The following PDE2A variants were observed in gnomAD, a reference collection of about 807,000 sequenced individuals.
PDE2A encodes the protein phosphodiesterase 2A, also known as cGMP-dependent 3',5'-cyclic phosphodiesterase.
A neutral mutation model predicts 133.6 loss-of-function variants in PDE2A; 53 were observed. That is an observed-to-expected ratio of 0.40 (90% CI 0.32 to 0.50). The LOEUF (loss-of-function observed/expected upper bound fraction) is 0.50. PDE2A is among the 20% of genes least tolerant of loss of function. PDE2A has a pLI of 0.73. For synonymous variants in PDE2A, 491 were observed against 490.2 expected (o/e 1.00, Z -0.02); for missense variants, 796 against 1,232.4 (o/e 0.65, Z 5.30).
chr11:72,598,673 G>T lies in PDE2A; in HGVS notation c.324-1054C>A, dbSNP rs577331487. ...GGTCACTAAGGGAAGCCCAGCAAAG[G>T]TCACATGAGGAAAAGGAGGGGGTGG... On this transcript the variant is annotated intron_variant, in intron 4 of 30. Transcript: ENST00000334456. 12 of 1,286,618 alleles carry T rather than the reference G, an allele frequency of 9.3e-6. No homozygotes were observed. The South Asian group carries it at 1.4e-4, about 15-fold the overall frequency. 79.7% of individuals were successfully genotyped at this position (1,286,618 alleles called of 1,614,324 possible).
intron 14 of PDE2A, 38 bp from the exon 15 acceptor site, chr11:72,585,631 G>T (rs1200651156): frequency 2.5e-6 from 4 of 1,601,886 alleles, no homozygotes; most frequent in South Asian, 1.1e-5. Flanking sequence ...GGGGGTCGGG[G>T]TGTAGGGGTC....
At chr11:72,644,920 C>T (rs1193125922) in intron 1 of PDE2A, among the ~76,000 whole-genome samples, 1 of 152,132 alleles carries the variant, frequency 6.6e-6, no homozygotes, top group African/African-American at 2.4e-5. Context: ...CCATGCCCAG[C>T]TAATTTTTAT....
At chr11:72,638,227 G>A (rs1398391844) in intron 2 of PDE2A, among the ~76,000 whole-genome samples, 1 of 152,184 alleles carries the variant, frequency 6.6e-6, no homozygotes, top group Non-Finnish European at 1.5e-5. Flanking sequence ...TTGGTCTCTG[G>A]AGCTACTGGT....
intron 11 of PDE2A, 72 bp downstream of exon 11, chr11:72,589,679 A>AGGCCCAG: frequency 7.8e-7 from 1 of 1,280,234 alleles, no homozygotes. Context: ...TACTCCAGGC[A>AGGCCCAG]GATCCCAGGA....
intron 1 of PDE2A, among the ~76,000 whole-genome samples, chr11:72,643,907 C>T (rs1250553523): frequency 6.6e-6 from 1 of 152,164 alleles, no homozygotes; most frequent in African/African-American, 2.4e-5. Flanking sequence ...GGCTCCCTAC[C>T]ACCAGCACAA....
intron 4 of PDE2A, among the ~76,000 whole-genome samples, chr11:72,600,005 A>T (rs1244403056): frequency 1.3e-5 from 2 of 152,218 alleles, no homozygotes; most frequent in African/African-American, 2.4e-5. Flanking sequence ...GGCAGACAGG[A>T]AAGGATGTCC....
chr11:72,674,360 G>A lies in PDE2A; in HGVS notation c.-153C>T, dbSNP rs1047409645. On this transcript the variant is annotated 5_prime_UTR_variant, in exon 1 of 31. Coordinates refer to ENST00000334456, the MANE Select transcript of PDE2A (RefSeq NM_002599.5). The stretch of plus-strand genomic sequence containing the variant: ...AGCCTGGACTCAACACCCCAATCCA[G>A]CTCTGCTGCCCCGCTGCTCCCGCCT... 7.8e-5 allele frequency: 51 copies of A among 653,970 alleles called. No individual in the cohort carries two copies. The highest frequency in any genetic ancestry group is 1.3e-4 in the Non-Finnish European group (50 of 390,706). 40.5% of individuals were successfully genotyped at this position (653,970 alleles called of 1,614,324 possible). A position where few individuals can be genotyped will look rare whatever the true frequency, so the allele number is the denominator to read the frequency against.
rs551212713 is a variant in PDE2A, at chr11:72,668,223, G to C, written c.71+5914C>G. 2.7e-4 allele frequency: 197 copies of C among 716,786 alleles called. No individual in the cohort carries two copies. The Middle Eastern group carries it at 2.9e-3, about 11-fold the overall frequency. 44.4% of individuals were successfully genotyped at this position (716,786 alleles called of 1,614,324 possible). The stretch of plus-strand genomic sequence containing the variant: ...TCTTGCCTGTCTGCCATCTGGAACA[G>C]TAATGTATGGAAAGAGCAGGAGCTC... On this transcript the variant is annotated intron_variant, in intron 1 of 30. Transcript: ENST00000334456.
At chr11:72,670,409 C>T (rs1163486267) in intron 1 of PDE2A, among the ~76,000 whole-genome samples, 1 of 152,166 alleles carries the variant, frequency 6.6e-6, no homozygotes, top group Non-Finnish European at 1.5e-5. Flanking sequence ...TGACTTCACT[C>T]ACTCACCTAT....
At chr11:72,656,776 C>T (rs1413468726) in intron 1 of PDE2A, among the ~76,000 whole-genome samples, 1 of 152,126 alleles carries the variant, frequency 6.6e-6, no homozygotes, top group Non-Finnish European at 1.5e-5. Flanking sequence ...CAAGCAGAGC[C>T]TGTACTCTCA....
In PDE2A at chr11:72,585,449, A is replaced by G. The variant is rs201936967; in HGVS notation, c.1223-15T>C. ...AGAGACGTCATCTGGGGAAGGGAGA[A>G]GACCAGGCAGGGTGAGACCAGGCTG... On this transcript the variant is annotated splice_polypyrimidine_tract_variant and intron_variant, in intron 15 of 30. Coordinates refer to ENST00000334456, the MANE Select transcript of PDE2A (RefSeq NM_002599.5). The G allele has an allele frequency of 6.1e-5, 99 of 1,613,836 alleles. No homozygotes were observed. The highest frequency in any genetic ancestry group is 6.8e-6 in the Non-Finnish European group (8 of 1,179,840).
At chr11:72,611,710 C>A (rs1185631197) in intron 2 of PDE2A, among the ~76,000 whole-genome samples, 1 of 152,166 alleles carries the variant, frequency 6.6e-6, no homozygotes, top group Admixed American at 6.5e-5. Flanking sequence ...TTCTGTCAAT[C>A]CACCTCCTGG....
Position 72,578,361 on chromosome 11 carries a change from G to C in PDE2A, c.2509-22C>G. Reference sequence around the variant, plus strand: ...TCTCCTGCAGGCATCGAGTCGTCAGGCCTGTCCCTCTCATTCCTCCATCGG... The same window carrying C: ...TCTCCTGCAGGCATCGAGTCGTCAGCCCTGTCCCTCTCATTCCTCCATCGG... On this transcript the variant is annotated intron_variant, in intron 29 of 30. Coordinates refer to ENST00000334456, the MANE Select transcript of PDE2A (RefSeq NM_002599.5). The surrounding 1 kb of genome is among the most constrained non-coding windows in gnomAD (Gnocchi z 4.2). 6.3e-7 allele frequency: 1 copy of C among 1,593,724 alleles called. No individual in the cohort carries two copies. The highest frequency in any genetic ancestry group is 8.6e-7 in the Non-Finnish European group (1 of 1,161,618).
chr11:72,578,174 C>T lies in PDE2A; in HGVS notation c.2615+59G>A, dbSNP rs1458871910. On this transcript the variant is annotated intron_variant, in intron 30 of 30. Transcript: ENST00000334456. This position sits in a 1 kb window ranked among gnomAD's most constrained non-coding sequence, Gnocchi z 4.2. ...TCAGCACCTGTGTTTCCTGTGATGT[C>T]CCCACTCCAGCCTACCCTCTCTGTG... The T allele has an allele frequency of 3.7e-6, 4 of 1,085,018 alleles. No individual in the cohort carries two copies. In the East Asian group the frequency reaches 9.4e-5, roughly 25 times the overall value. 67.2% of individuals were successfully genotyped at this position (1,085,018 alleles called of 1,614,324 possible). A position where few individuals can be genotyped will look rare whatever the true frequency, so the allele number is the denominator to read the frequency against.
rs1855452408 is a variant in PDE2A, at chr11:72,674,275, T to C, written c.-68A>G. The C allele has an allele frequency of 1.3e-6, 2 of 1,507,558 alleles. No homozygotes were observed. Among genetic ancestry groups the C allele is most frequent in the Non-Finnish European group, 9.0e-7 (1 of 1,113,018 alleles). The allele number at this position is 1,507,558 out of a possible 1,614,324, so 93.4% of individuals were successfully genotyped here. On this transcript the variant is annotated 5_prime_UTR_variant, in exon 1 of 31. Transcript: ENST00000334456. Reference sequence around the variant, plus strand: ...CTCGCCCTGTCCCCGCTGCCTGGAGTTCAGGGCAGGGCACCCCCAGCAGGC... The same window carrying C: ...CTCGCCCTGTCCCCGCTGCCTGGAGCTCAGGGCAGGGCACCCCCAGCAGGC...
chr11:72,613,168 C>G (rs1857295265), intron 2 of PDE2A, among the ~76,000 whole-genome samples: 1 of 152,138 alleles, frequency 6.6e-6, no homozygotes, highest in East Asian at 1.9e-4. Context: ...CCTCCTATGG[C>G]TCACCCCACT....
Position 72,578,096 on chromosome 11 carries a change from A to G in PDE2A, c.2615+137T>C, listed in dbSNP as rs1855546617. ...CCCACTGAGGGGCACAGCGGGAGACAGTTATGCCCAGAGGCAAGGGGATGA... is the reference window on the plus strand; with the variant it reads ...CCCACTGAGGGGCACAGCGGGAGACGGTTATGCCCAGAGGCAAGGGGATGA... On this transcript the variant is annotated intron_variant, in intron 30 of 30. Transcript: ENST00000334456. This position sits in a 1 kb window ranked among gnomAD's most constrained non-coding sequence, Gnocchi z 4.2. 1.5e-6 allele frequency: 1 copy of G among 673,808 alleles called. No homozygotes were observed. The highest frequency in any genetic ancestry group is 1.8e-5 in the African/African-American group (1 of 56,976). 41.7% of individuals were successfully genotyped at this position (673,808 alleles called of 1,614,324 possible).
chr11:72,581,308 G>GC (rs752641839), intron 23 of PDE2A, 49 bp downstream of exon 23: 1 of 1,457,964 alleles, frequency 6.9e-7, no homozygotes, highest in African/African-American at 2.7e-5. Flanking sequence ...CCTGTCCCAG[G>GC]GAGGGGACCC....
At chr11:72,583,592 G>T (rs1490266573) in intron 19 of PDE2A, 77 bp from the exon 20 acceptor site, 2 of 949,214 alleles carry the variant, frequency 2.1e-6, no homozygotes, top group Non-Finnish European at 3.5e-6. Context: ...TGGGATGAAG[G>T]GGTCAAAAAG....
Sources: allele counts gnomAD v4.1 joint callset (sites outside exome capture counted in the v4.1 genomes callset), GRCh38; gene constraint gnomAD v4.1.1; non-coding constraint Gnocchi (gnomAD v3.1); transcripts MANE v1.5; gene names NCBI Gene and HGNC (gene_info 2026-07-23, HGNC 2026-07-21).